Variants in FMN2 observed in about 807,000 individuals in gnomAD.
FMN2 encodes the protein formin 2.
In FMN2, 51 loss-of-function variants were observed where a neutral mutation model predicts 142.3. The observed-to-expected ratio is 0.36, with a 90% CI of 0.29 to 0.45. The LOEUF is 0.45. Ranked by LOEUF, FMN2 falls within the 20% of genes least tolerant of loss-of-function variation. FMN2 has a pLI of 1.00. For missense variants in FMN2, 1,936 were observed against 2,122.8 expected (o/e 0.91, Z 1.73); for synonymous variants, 882 against 869.8 (o/e 1.01, Z -0.25).
At chr1:240,293,914 C>T (rs780084892) in intron 7 of FMN2, among the ~76,000 whole-genome samples, 7 of 152,102 alleles carry the variant, frequency 4.6e-5, no homozygotes, top group Non-Finnish European at 1.0e-4. Context: ...GAAAATGTCT[C>T]ATGTGAAACT....
At chr1:240,295,384 T>C (rs1401739785) in intron 8 of FMN2, among the ~76,000 whole-genome samples, 2 of 152,208 alleles carry the variant, frequency 1.3e-5, no homozygotes, top group African/African-American at 2.4e-5. Context: ...ATATAAGATC[T>C]CTAGAAGTTA....
At chr1:240,291,834 G>A (rs755144246) in intron 7 of FMN2, among the ~76,000 whole-genome samples, 2 of 152,122 alleles carry the variant, frequency 1.3e-5, no homozygotes, top group Admixed American at 6.5e-5. Flanking sequence ...AGGCTCACTT[G>A]AGCAGGAAGG....
intron 13 of FMN2, among the ~76,000 whole-genome samples, chr1:240,340,053 A>G (rs1252564412): frequency 6.6e-6 from 1 of 152,092 alleles, no homozygotes; most frequent in African/African-American, 2.4e-5. Context: ...TCTAAATAAG[A>G]TGAATGTTTT....
At chr1:240,299,279 G>T (rs1462651062) in intron 8 of FMN2, among the ~76,000 whole-genome samples, 16 of 152,052 alleles carry the variant, frequency 1.1e-4, no homozygotes, top group Non-Finnish European at 2.9e-5. Flanking sequence ...GAACAATATG[G>T]TTTGTATAAA....
rs772719773 is a variant in FMN2, at chr1:240,473,253, C to A, written c.5142+800C>A. Among the ~76,000 whole-genome samples, 4 of 152,136 alleles carry A rather than the reference C, an allele frequency of 2.6e-5. No individual in the cohort carries two copies. Among genetic ancestry groups the A allele is most frequent in the Admixed American group, 2.6e-4 (4 of 15,278 alleles). On this transcript the variant is annotated intron_variant, in intron 17 of 17. Transcript: ENST00000319653. The surrounding 1 kb of genome is among the most constrained non-coding windows in gnomAD (Gnocchi z 4.3). ...TGCCGGAGAGTGGTCAGTCCAGAGA[C>A]GGAGTTTAACAAGCTCATTTAAGTT...
At chr1:240,308,006 C>T (rs1670471708) in intron 8 of FMN2, among the ~76,000 whole-genome samples, 1 of 137,230 alleles carries the variant, frequency 7.3e-6, no homozygotes. Context: ...CTATTAGGTA[C>T]ATTATAGTTT....
intron 2 of FMN2, chr1:240,143,499 G>A (rs1014425221): frequency 6.4e-7 from 1 of 1,566,778 alleles, no homozygotes; most frequent in Non-Finnish European, 8.8e-7. Flanking sequence ...TCTTGCCTTT[G>A]TCTTCCTCCT....
intron 15 of FMN2, among the ~76,000 whole-genome samples, chr1:240,398,616 G>T (rs1673871852): frequency 6.6e-6 from 1 of 152,170 alleles, no homozygotes; most frequent in Non-Finnish European, 1.5e-5. Context: ...AAATAAGTCT[G>T]TGTGCCATTT....
At chr1:240,214,679 A>G (rs1426891957) in intron 6 of FMN2, among the ~76,000 whole-genome samples, 3 of 152,156 alleles carry the variant, frequency 2.0e-5, no homozygotes, top group Admixed American at 6.5e-5. Context: ...GTTTAGTCCA[A>G]TCTCCTCCCT....
At chr1:240,198,203 C>T (rs1342370549) in intron 4 of FMN2, among the ~76,000 whole-genome samples, 1 of 152,080 alleles carries the variant, frequency 6.6e-6, no homozygotes, top group Admixed American at 6.5e-5. Context: ...AACTCTAGCT[C>T]AAATAAGTAG....
chr1:240,342,122 C>G (rs974100333), intron 13 of FMN2, among the ~76,000 whole-genome samples: 49 of 152,170 alleles, frequency 3.2e-4, no homozygotes, highest in African/African-American at 9.7e-4. Flanking sequence ...TGTTTATTAA[C>G]TTTGGCTTCT....
chr1:240,458,641 ATATCT>A (rs1676333719), intron 16 of FMN2: 1 of 152,244 alleles, frequency 6.6e-6, no homozygotes, highest in Non-Finnish European at 1.5e-5. Flanking sequence ...GATTAAGAAA[ATATCT>A]TAACACAGGT....
chr1:240,308,572 C>T (rs369439272), intron 8 of FMN2, among the ~76,000 whole-genome samples: 16 of 152,248 alleles, frequency 1.1e-4, no homozygotes, highest in African/African-American at 3.9e-4. Flanking sequence ...TAAGAACCCA[C>T]GACTGTATTC....
chr1:240,296,438 C>CTTTTTTTTTTTTTTTTTTT (rs772711130), intron 8 of FMN2, among the ~76,000 whole-genome samples: 6 of 46,914 alleles, frequency 1.3e-4, no homozygotes, highest in Admixed American at 3.2e-4. Context: ...TCTTTGAGTG[C>CTTTTTTTTTTTTTTTTTTT]TTTTTTTTTT....
At chr1:240,295,881 C>G (rs1051294472) in intron 8 of FMN2, among the ~76,000 whole-genome samples, 1 of 152,206 alleles carries the variant, frequency 6.6e-6, no homozygotes, top group Non-Finnish European at 1.5e-5. Flanking sequence ...TTCCCATCGA[C>G]AGTGTGCCAG....
intron 1 of FMN2, among the ~76,000 whole-genome samples, chr1:240,121,389 T>A (rs1242481640): frequency 2.6e-5 from 4 of 150,962 alleles, no homozygotes; most frequent in East Asian, 3.9e-4. Flanking sequence ...TTATTTTTTT[T>A]TTTTTGAGAC....
At chr1:240,391,108 T>G (rs1013387845) in intron 14 of FMN2, among the ~76,000 whole-genome samples, 1 of 152,206 alleles carries the variant, frequency 6.6e-6, no homozygotes, top group Non-Finnish European at 1.5e-5. Context: ...AGTAAAATCA[T>G]AGGATATTCA....
At chr1:240,184,588 A>G (rs573268021) in intron 3 of FMN2, among the ~76,000 whole-genome samples, 13 of 145,310 alleles carry the variant, frequency 8.9e-5, no homozygotes, top group Admixed American at 2.9e-4. Flanking sequence ...GGAGGTGGCC[A>G]TTTTAAATGT....
At chr1:240,341,428 C>G (rs1671737949) in intron 13 of FMN2, 1 of 151,970 alleles carries the variant, frequency 6.6e-6, no homozygotes, top group South Asian at 2.1e-4. Flanking sequence ...GATTGAACTG[C>G]TCGTTCTATT....
Sources: gnomAD v4.1 joint callset for allele counts (sites outside exome capture counted in the v4.1 genomes callset) on GRCh38, gnomAD v4.1.1 for gene constraint, Gnocchi (gnomAD v3.1) non-coding constraint, MANE v1.5 for transcripts, NCBI Gene and HGNC (gene_info 2026-07-23, HGNC 2026-07-21) for gene names.